TLR2: variants seen among roughly 807,000 people sequenced by gnomAD.
TLR2 encodes the protein toll-like receptor 2.
Under a neutral mutation model 9.1 loss-of-function variants are expected in TLR2, and 7 were observed. That is an observed-to-expected ratio of 0.77 (90% CI 0.44 to 1.44). TLR2 has a LOEUF of 1.44. TLR2 is among the 40% of genes most tolerant of loss of function. The pLI is 0.01. For missense variants in TLR2, 812 were observed against 904.6 expected, an observed-to-expected ratio of 0.90 and a Z score of 1.31; for synonymous variants, 317 against 344.6, an observed-to-expected ratio of 0.92 and a Z score of 0.89.
downstream of TLR2, among the ~76,000 whole-genome samples, chr4:153,708,759 C>T (rs905129934): frequency 1.3e-5 from 2 of 152,010 alleles, no homozygotes; most frequent in Non-Finnish European, 2.9e-5. Flanking sequence ...GATATGAACA[C>T]GGGGGGATCC....
At chr4:153,693,030 A>C (rs1442989191) in intron 2 of TLR2, among the ~76,000 whole-genome samples, 3 of 152,220 alleles carry the variant, frequency 2.0e-5, no homozygotes, top group Non-Finnish European at 4.4e-5. Context: ...TTGTGCTTCC[A>C]AATCTTCCTG....
chr4:153,706,793 C>T (rs1737346228), downstream of TLR2, among the ~76,000 whole-genome samples: 1 of 152,172 alleles, frequency 6.6e-6, no homozygotes, highest in South Asian at 2.1e-4. Flanking sequence ...TAATCTTTGG[C>T]AAGTCAGTTG....
At chr4:153,710,379 C>G, downstream of TLR2, 1 of 1,554,900 alleles carries the variant, frequency 6.4e-7, no homozygotes, top group Non-Finnish European at 8.7e-7. Flanking sequence ...CTATTCCAGC[C>G]CTAGTGAATA....
Position 153,702,972 on chromosome 4 carries a change from C to T in TLR2, c.65C>T (p.Ser22Phe), listed in dbSNP as rs1433553966. The T allele has an allele frequency of 1.2e-6, 2 of 1,614,014 alleles. No homozygotes were observed. Among genetic ancestry groups the T allele is most frequent in the Non-Finnish European group, 1.7e-6 (2 of 1,180,008 alleles). The change falls in exon 3 of 3, where the codon TCC becomes TTC. Residue 22 changes from serine (S) to phenylalanine (F), a missense_variant. Transcript: ENST00000642700. ...GVIISLSKEE[S>F]SNQASLSCDR... is the part of the protein sequence containing the mutation. ...ATCATCAGCCTCTCCAAGGAAGAAT[C>T]CTCCAATCAGGCTTCTCTGTCTTGT... is the stretch of plus-strand genomic sequence containing the variant.
In TLR2 at chr4:153,703,100, A is replaced by G. The variant is rs751627547; in HGVS notation, c.193A>G (p.Thr65Ala). 6.2e-6 allele frequency: 10 copies of G among 1,614,158 alleles called. No homozygotes were observed. The East Asian group carries it at 2.2e-4, about 36-fold the overall frequency. Residue 65 changes from threonine (T) to alanine (A), a missense_variant, in exon 3 of 3, where the codon ACC (threonine) becomes GCC (alanine). Thr to Ala is a moderately conservative substitution (Grantham distance 58). Coordinates refer to ENST00000642700, the MANE Select transcript of TLR2 (RefSeq NM_001318789.2). ...KSLDLSNNRI[T>A]YISNSDLQRC... is the part of the protein sequence containing the mutation. ...CCTTGACCTGTCCAACAACAGGATC[A>G]CCTACATTAGCAACAGTGACCTACA... is the stretch of plus-strand genomic sequence containing the variant.
Position 153,705,234 on chromosome 4 carries a change from T to C in TLR2, c.2327T>C (p.Val776Ala). ...GAGGCTCAGCGGGAAGGATTTTGGG[T>C]AAATCTGAGAGCTGCGATAAAGTCC... ...MDEAQREGFW[V>A]NLRAAIKS Residue 776 changes from valine (V) to alanine (A), a missense_variant, in exon 3 of 3, where the codon GTA becomes GCA. By Grantham distance (64) the Val-to-Ala change is moderately conservative. Transcript: ENST00000642700. 2 of 1,595,764 alleles carry C rather than the reference T, an allele frequency of 1.3e-6. No individual in the cohort carries two copies. The highest frequency in any genetic ancestry group is 1.7e-4 in the Middle Eastern group (1 of 5,988).
Position 153,705,490 on chromosome 4 carries a change from T to A in TLR2, c.*228T>A, listed in dbSNP as rs55878556. 3.4e-4 allele frequency: 150 copies of A among 437,448 alleles called. 1 individual carries two copies. The South Asian group carries it at 5.7e-3, about 17-fold the overall frequency. 27.1% of individuals were successfully genotyped at this position (437,448 alleles called of 1,614,324 possible). A position where few individuals can be genotyped will look rare whatever the true frequency, so the allele number is the denominator to read the frequency against. On this transcript the variant is annotated 3_prime_UTR_variant, in exon 3 of 3. Transcript: ENST00000642700. ...TTTTCTTTTTTCTATGAGATAACCA[T>A]GATCATAAGTCTATTACTGATATCT...
In TLR2 at chr4:153,704,389, T is replaced by C; in HGVS notation, c.1482T>C (p.Asp494=). The part of the protein sequence containing the change: ...ISRNKLMTLP[D]ASLLPMLLVL... ...GAAATAAGTTGATGACTCTACCAGA[T>C]GCCTCCCTCTTACCCATGTTACTAG... Residue 494 remains aspartate, a synonymous_variant, in exon 3 of 3, where the codon GAT becomes GAC. Coordinates refer to ENST00000642700, the MANE Select transcript of TLR2 (RefSeq NM_001318789.2). The C allele has an allele frequency of 6.2e-7, 1 of 1,614,134 alleles. No individual in the cohort carries two copies. The highest frequency in any genetic ancestry group is 8.5e-7 in the Non-Finnish European group (1 of 1,180,018).
chr4:153,688,950 C>T (rs1400984793), intron 2 of TLR2, among the ~76,000 whole-genome samples: 1 of 152,158 alleles, frequency 6.6e-6, no homozygotes, highest in Non-Finnish European at 1.5e-5. Flanking sequence ...TTGCAGGAGT[C>T]GGGATTCGCA....
chr4:153,709,308 C>T (rs983079497), downstream of TLR2, among the ~76,000 whole-genome samples: 4 of 152,336 alleles, frequency 2.6e-5, no homozygotes, highest in South Asian at 2.1e-4. Context: ...TTCCTTTCTA[C>T]TTCATACAAT....
In TLR2 at chr4:153,703,335, C is replaced by T; in HGVS notation, c.428C>T (p.Ser143Phe). ...GNPYKTLGET[S>F]LFSHLTKLQI... Reference sequence around the variant, plus strand: ...CCTTACAAAACCCTAGGGGAAACATCTCTTTTTTCTCATCTCACAAAATTG... The same window carrying T: ...CCTTACAAAACCCTAGGGGAAACATTTCTTTTTTCTCATCTCACAAAATTG... Residue 143 changes from serine (S) to phenylalanine (F), a missense_variant, in exon 3 of 3, where the codon TCT (serine) becomes TTT (phenylalanine). Physicochemically the swap from Ser to Phe is radical, Grantham distance 155. Coordinates refer to ENST00000642700, the MANE Select transcript of TLR2 (RefSeq NM_001318789.2). 1 of 1,613,850 alleles carries T rather than the reference C, an allele frequency of 6.2e-7. No individual in the cohort carries two copies. The highest frequency in any genetic ancestry group is 8.5e-7 in the Non-Finnish European group (1 of 1,179,964).
chr4:153,708,237 G>C (rs1579015228), downstream of TLR2, among the ~76,000 whole-genome samples: 1 of 152,206 alleles, frequency 6.6e-6, no homozygotes, highest in Non-Finnish European at 1.5e-5. Context: ...GTTCTAAATG[G>C]TTCTGAAAGC....
chr4:153,709,799 C>T (rs1393232228), downstream of TLR2, among the ~76,000 whole-genome samples: 2 of 152,226 alleles, frequency 1.3e-5, no homozygotes, highest in African/African-American at 4.8e-5. Flanking sequence ...CTTTTGGCAG[C>T]TCCAGGAAAC....
chr4:153,704,596 G>A lies in TLR2; in HGVS notation c.1689G>A (p.Leu563=), dbSNP rs55695930. 3,849 of 1,613,642 alleles carry A rather than the reference G, an allele frequency of 2.4e-3. 27 individuals carry two copies. Among genetic ancestry groups the A allele is most frequent in the South Asian group, 0.01 (929 of 91,064 alleles). Residue 563 remains leucine, a synonymous_variant, in exon 3 of 3, where the codon CTG becomes CTA. Coordinates refer to ENST00000642700, the MANE Select transcript of TLR2 (RefSeq NM_001318789.2). ...KVLIDWPANY[L]CDSPSHVRGQ... ...TGATTGATTGGCCAGCAAATTACCT[G>A]TGTGACTCTCCATCCCATGTGCGTG...
At chr4:153,710,411 T>C (rs1339), downstream of TLR2, 309,658 of 1,573,060 alleles carry the variant, frequency 0.2, 32,494 homozygotes, top group East Asian at 0.27. Context: ...GAACTATTCC[T>C]ATCACCACAG....
At chr4:153,700,478 A>G (rs1736809161) in intron 2 of TLR2, among the ~76,000 whole-genome samples, 2 of 152,348 alleles carry the variant, frequency 1.3e-5, no homozygotes, top group South Asian at 4.1e-4. Flanking sequence ...GGAAGATTCA[A>G]TACTGTAATG....
At chr4:153,698,150 G>A (rs1036647180) in intron 2 of TLR2, among the ~76,000 whole-genome samples, 15 of 152,132 alleles carry the variant, frequency 9.9e-5, no homozygotes, top group African/African-American at 3.1e-4. Context: ...GATAAGTACA[G>A]GTTTCTGATA....
intron 2 of TLR2, among the ~76,000 whole-genome samples, chr4:153,695,769 G>A (rs777303914): frequency 3.9e-4 from 59 of 152,274 alleles, no homozygotes; most frequent in Middle Eastern, 6.8e-3. Flanking sequence ...ATGTCATGGA[G>A]AGTTTTCTTA....
downstream of TLR2, among the ~76,000 whole-genome samples, chr4:153,708,487 A>G (rs1737401495): frequency 3.9e-5 from 6 of 152,364 alleles, no homozygotes; most frequent in South Asian, 1.2e-3. Flanking sequence ...GTAGAGAAAT[A>G]AGCAATTAAA....
Sources: allele counts gnomAD v4.1 joint callset (sites outside exome capture counted in the v4.1 genomes callset), GRCh38; gene constraint gnomAD v4.1.1; transcripts MANE v1.5; gene names NCBI Gene and HGNC (gene_info 2026-07-23, HGNC 2026-07-21).